The following FAM178B variants were observed in gnomAD, a reference collection of about 807,000 sequenced individuals.
FAM178B encodes protein FAM178B.
FAM178B carries 82 observed loss-of-function variants against 91.7 expected under a neutral mutation model. That is an observed-to-expected ratio of 0.89 (90% CI 0.75 to 1.07). The LOEUF (loss-of-function observed/expected upper bound fraction) is 1.07. Among genes scored for constraint, FAM178B ranks in the 50% least tolerant of loss-of-function variants. The pLI, the probability that FAM178B is intolerant of heterozygous loss-of-function variation, is 0.00. For synonymous variants in FAM178B, 368 were observed against 359.4 expected, an observed-to-expected ratio of 1.02 and a Z score of -0.27; for missense variants, 769 against 846.7, an observed-to-expected ratio of 0.91 and a Z score of 1.14.
chr2:96,925,106 C>A (rs983338436), intron 9 of FAM178B, among the ~76,000 whole-genome samples: 1 of 152,112 alleles, frequency 6.6e-6, no homozygotes, highest in Non-Finnish European at 1.5e-5. Context: ...TGCGCCAGTA[C>A]GTGAGGGGAA....
chr2:96,880,004 G>A (rs1415455221), intron 14 of FAM178B, among the ~76,000 whole-genome samples: 3 of 152,252 alleles, frequency 2.0e-5, no homozygotes, highest in Admixed American at 1.3e-4. Flanking sequence ...CTGGGCCTGC[G>A]TGCCGGACAC....
intron 5 of FAM178B, among the ~76,000 whole-genome samples, chr2:96,965,575 A>G (rs1264507552): frequency 6.6e-6 from 1 of 151,718 alleles, no homozygotes; most frequent in Non-Finnish European, 1.5e-5. Flanking sequence ...TGATCCTCCT[A>G]TCTCAGCCTC....
Position 96,947,922 on chromosome 2 carries a change from AAAAAC to A in FAM178B, c.994-25_994-21del. 2.2e-6 allele frequency: 3 copies of A among 1,364,054 alleles called. No homozygotes were observed. In the African/African-American group the frequency reaches 5.0e-5, roughly 23 times the overall value. 84.5% of individuals were successfully genotyped at this position (1,364,054 alleles called of 1,614,324 possible). ...CAGCAGCTAGGTGGAAAAAAAAAAC[AAAAAC>A]AAAAACCTGGTGAGCTGGGTCATTC... On this transcript the variant is annotated intron_variant, in intron 7 of 16. Transcript: ENST00000490605.
At chr2:96,951,353 C>T in intron 7 of FAM178B, 26 bp downstream of exon 7, 1 of 1,518,922 alleles carries the variant, frequency 6.6e-7, no homozygotes, top group Non-Finnish European at 9.0e-7. Context: ...GCTCCCGCCA[C>T]CTAGTGGCAG....
intron 8 of FAM178B, among the ~76,000 whole-genome samples, chr2:96,943,541 A>T (rs939998293): frequency 7.2e-5 from 11 of 152,206 alleles, no homozygotes; most frequent in African/African-American, 2.7e-4. Flanking sequence ...AGTGGTGATG[A>T]TTCAACAACT....
In FAM178B at chr2:96,986,377, A is replaced by C; in HGVS notation, c.-64T>G. ...GCGGGAATTCGCACGGCCTCAGAGG[A>C]CGGGGCCAGCTAGCCGGGAAAGGAA... On this transcript the variant is annotated 5_prime_UTR_variant, in exon 1 of 17. Coordinates refer to ENST00000490605, the MANE Select transcript of FAM178B (RefSeq NM_001122646.3). 6.6e-7 allele frequency: 1 copy of C among 1,509,202 alleles called. No homozygotes were observed. The highest frequency in any genetic ancestry group is 8.8e-7 in the Non-Finnish European group (1 of 1,134,340). 93.5% of individuals were successfully genotyped at this position (1,509,202 alleles called of 1,614,324 possible). A position where few individuals can be genotyped will look rare whatever the true frequency, so the allele number is the denominator to read the frequency against.
At position 96,986,281 on chromosome 2, in the gene FAM178B, A is replaced by G. The variant is rs1057001554; in HGVS notation, c.33T>C (p.Ala11=). The change falls in exon 1 of 17, where the codon GCT becomes GCC. Residue 11 remains alanine, a synonymous_variant. Coordinates refer to ENST00000490605, the MANE Select transcript of FAM178B (RefSeq NM_001122646.3). The part of the protein sequence containing the change: MWPRLPGAGL[A]PQLRRQDQRL... Reference sequence around the variant, plus strand: ...GCTGATCCTGCCTCCTGAGTTGTGGAGCGAGGCCCGCACCTGGAAGCCTTG... The same window carrying G: ...GCTGATCCTGCCTCCTGAGTTGTGGGGCGAGGCCCGCACCTGGAAGCCTTG... 3 of 1,534,386 alleles carry G rather than the reference A, an allele frequency of 2.0e-6. No homozygotes were observed. Among genetic ancestry groups the G allele is most frequent in the Non-Finnish European group, 2.6e-6 (3 of 1,146,752 alleles).
intron 1 of FAM178B, among the ~76,000 whole-genome samples, chr2:96,976,134 G>T (rs2082285303): frequency 6.7e-6 from 1 of 148,626 alleles, no homozygotes; most frequent in South Asian, 2.1e-4. Context: ...TTACTCTGTT[G>T]CCTAGGCTGG....
chr2:96,889,747 A>G (rs2080624218), intron 14 of FAM178B, among the ~76,000 whole-genome samples: 1 of 151,646 alleles, frequency 6.6e-6, no homozygotes, highest in African/African-American at 2.4e-5. Context: ...GCATCAGTAG[A>G]GCAAAAAGAA....
chr2:96,880,739 C>A (rs1325646766), intron 14 of FAM178B, among the ~76,000 whole-genome samples: 2 of 152,166 alleles, frequency 1.3e-5, no homozygotes, highest in Non-Finnish European at 2.9e-5. Context: ...GGACTACAGG[C>A]GCCCGCCACC....
intron 14 of FAM178B, among the ~76,000 whole-genome samples, chr2:96,881,132 C>G (rs1289705479): frequency 6.6e-6 from 1 of 151,884 alleles, no homozygotes; most frequent in Non-Finnish European, 1.5e-5. Flanking sequence ...AAAAGGTTAT[C>G]CAGCATGGTC....
At chr2:96,940,741 TG>T (rs552498789) in intron 8 of FAM178B, among the ~76,000 whole-genome samples, 8 of 152,340 alleles carry the variant, frequency 5.3e-5, no homozygotes, top group Admixed American at 4.6e-4. Context: ...ATTGTGGCAA[TG>T]ATTTTACAGG....
intron 12 of FAM178B, among the ~76,000 whole-genome samples, chr2:96,918,894 C>T: frequency 6.6e-6 from 1 of 152,182 alleles, no homozygotes; most frequent in South Asian, 2.1e-4. Context: ...AAACCCTGTC[C>T]TGTTCTGTTC....
intron 10 of FAM178B, among the ~76,000 whole-genome samples, chr2:96,922,289 C>A (rs2081354893): frequency 6.6e-6 from 1 of 152,196 alleles, no homozygotes; most frequent in South Asian, 2.1e-4. Flanking sequence ...CAAGAAATAA[C>A]CATAAAAATA....
chr2:96,941,371 T>C (rs1045975408), intron 8 of FAM178B, among the ~76,000 whole-genome samples: 1 of 152,164 alleles, frequency 6.6e-6, no homozygotes, highest in Non-Finnish European at 1.5e-5. Flanking sequence ...TTATGAATGC[T>C]TTCTGAGAGG....
intron 8 of FAM178B, among the ~76,000 whole-genome samples, chr2:96,940,222 G>C (rs566160527): frequency 5.3e-5 from 8 of 152,316 alleles, no homozygotes; most frequent in Admixed American, 6.5e-5. Context: ...AGGGAGTAAA[G>C]GGCACCCGGC....
chr2:96,893,779 G>C, intron 14 of FAM178B, 147 bp downstream of exon 14: 2 of 992,518 alleles, frequency 2.0e-6, no homozygotes, highest in Non-Finnish European at 1.4e-6. Flanking sequence ...TCAACACAGG[G>C]AGGCAGCCTG....
chr2:96,921,422 C>T (rs2081337358), intron 11 of FAM178B, 56 bp downstream of exon 11: 2 of 1,546,042 alleles, frequency 1.3e-6, no homozygotes, highest in African/African-American at 1.4e-5. Flanking sequence ...CTCTAGGGGC[C>T]ACCTTGGTCC....
intron 8 of FAM178B, among the ~76,000 whole-genome samples, chr2:96,936,292 C>G (rs974102056): frequency 6.6e-6 from 1 of 152,248 alleles, no homozygotes; most frequent in East Asian, 1.9e-4. Context: ...AGCTCCACCT[C>G]CCGGGTTCAC....
Sources: allele counts gnomAD v4.1 joint callset (sites outside exome capture counted in the v4.1 genomes callset), GRCh38; gene constraint gnomAD v4.1.1; transcripts MANE v1.5; gene names NCBI Gene and HGNC (gene_info 2026-07-23, HGNC 2026-07-21).